The following SCFD2 variants were observed in gnomAD, a reference collection of about 807,000 sequenced individuals.
SCFD2 encodes the protein sec1 family domain containing 2.
Under a neutral mutation model 58.9 loss-of-function variants are expected in SCFD2, and 54 were observed. The ratio of observed to expected loss-of-function variants is 0.92; its 90% CI spans 0.74 to 1.15. The LOEUF is 1.15. SCFD2 is among the 50% of genes most tolerant of loss of function. The probability of loss-of-function intolerance (pLI) is 0.00; values close to 1 mark genes in which losing one functional copy is unlikely to be tolerated. For missense variants in SCFD2, 805 were observed against 836.6 expected, an observed-to-expected ratio of 0.96 and a Z score of 0.47; for synonymous variants, 321 against 335.9, an observed-to-expected ratio of 0.96 and a Z score of 0.49.
chr4:53,318,743 CT>C (rs1237128600), intron 2 of SCFD2, among the ~76,000 whole-genome samples: 36 of 151,256 alleles, frequency 2.4e-4, no homozygotes, highest in Admixed American at 2.0e-3. Flanking sequence ...TTTTTTTCCC[CT>C]GATGGCCAAA....
intron 4 of SCFD2, among the ~76,000 whole-genome samples, chr4:53,237,962 C>T (rs1729713969): frequency 7.8e-6 from 1 of 128,220 alleles, no homozygotes; most frequent in Non-Finnish European, 1.7e-5. Flanking sequence ...GGGCTGACCC[C>T]CCCACCTCCC....
intron 4 of SCFD2, among the ~76,000 whole-genome samples, chr4:53,188,317 C>A (rs1242360188): frequency 6.6e-6 from 1 of 152,046 alleles, no homozygotes; most frequent in African/African-American, 2.4e-5. Context: ...TTTAAAGAAA[C>A]CTTTTGCCTG....
intron 7 of SCFD2, among the ~76,000 whole-genome samples, chr4:52,905,002 T>C (rs1196120120): frequency 6.6e-6 from 1 of 152,180 alleles, no homozygotes; most frequent in Non-Finnish European, 1.5e-5. Context: ...AGGATCAATA[T>C]CAGAATGAAT....
intron 5 of SCFD2, among the ~76,000 whole-genome samples, chr4:53,030,698 AGGTGTGAGCC>A (rs1722595585): frequency 1.3e-5 from 2 of 152,202 alleles, no homozygotes; most frequent in South Asian, 2.1e-4. Context: ...CTGAGATCAC[AGGTGTGAGCC>A]ACCACACCCG....
chr4:52,980,796 A>T (rs1721359589), intron 5 of SCFD2, among the ~76,000 whole-genome samples: 1 of 152,166 alleles, frequency 6.6e-6, no homozygotes. Flanking sequence ...TGGTGACAGA[A>T]GCACTTTGTT....
chr4:53,105,806 G>T (rs1466509864), intron 5 of SCFD2, among the ~76,000 whole-genome samples: 1 of 152,176 alleles, frequency 6.6e-6, no homozygotes, highest in Non-Finnish European at 1.5e-5. Flanking sequence ...GAAGAGAGCA[G>T]CAGAAGTCCT....
chr4:52,948,156 G>A (rs2109525244), intron 5 of SCFD2: 1 of 187,718 alleles, frequency 5.3e-6, no homozygotes, highest in South Asian at 1.1e-4. Flanking sequence ...AGAGTGTAGT[G>A]TTGTAAATAA....
chr4:53,322,065 G>A (rs1053052647), intron 2 of SCFD2, among the ~76,000 whole-genome samples: 6 of 152,150 alleles, frequency 3.9e-5, no homozygotes, highest in Non-Finnish European at 5.9e-5. Flanking sequence ...TGTCAGAGGC[G>A]TTTGAACCAG....
intron 5 of SCFD2, among the ~76,000 whole-genome samples, chr4:53,030,051 T>C (rs759430618): frequency 3.3e-5 from 5 of 152,056 alleles, no homozygotes; most frequent in African/African-American, 4.8e-5. Flanking sequence ...AAAAACACAG[T>C]CTAGGAGAAA....
chr4:52,874,045 G>A lies in SCFD2; in HGVS notation c.1979C>T (p.Thr660Ile). ...KPGTQVIVLS[T>I]RLLKPLNIPE... ...AATGTTAAGTGGCTTCAGGAGTCGT[G>A]TGGACAGCACGATTACCTAACAACA... is the stretch of plus-strand genomic sequence containing the variant. The change falls in exon 9 of 9, where the codon ACA (threonine) becomes ATA (isoleucine). Residue 660 changes from threonine to isoleucine, a missense_variant. Coordinates refer to ENST00000401642, the MANE Select transcript of SCFD2 (RefSeq NM_152540.4). 6.2e-7 allele frequency: 1 copy of A among 1,613,762 alleles called. No individual in the cohort carries two copies. The highest frequency in any genetic ancestry group is 8.5e-7 in the Non-Finnish European group (1 of 1,179,680).
At chr4:53,269,024 G>C (rs1295422492) in intron 4 of SCFD2, among the ~76,000 whole-genome samples, 1 of 152,148 alleles carries the variant, frequency 6.6e-6, no homozygotes, top group African/African-American at 2.4e-5. Context: ...TGTTAGACTA[G>C]AGCTATGATA....
At chr4:52,960,462 G>A (rs567471550) in intron 5 of SCFD2, among the ~76,000 whole-genome samples, 13 of 151,282 alleles carry the variant, frequency 8.6e-5, no homozygotes, top group Non-Finnish European at 1.0e-4. Flanking sequence ...TCCGCCTCCC[G>A]GGTTCAAGTG....
At chr4:53,122,444 C>A (rs1331962691) in intron 5 of SCFD2, among the ~76,000 whole-genome samples, 1 of 151,838 alleles carries the variant, frequency 6.6e-6, no homozygotes, top group East Asian at 1.9e-4. Flanking sequence ...GCTCACTCAA[C>A]ATGAAAGGGA....
intron 5 of SCFD2, among the ~76,000 whole-genome samples, chr4:53,016,966 G>T (rs1722227924): frequency 6.6e-6 from 1 of 152,200 alleles, no homozygotes; most frequent in African/African-American, 2.4e-5. Context: ...AAATTAGCCA[G>T]GCGTGGTGGT....
intron 7 of SCFD2, among the ~76,000 whole-genome samples, chr4:52,902,356 C>T (rs573353403): frequency 1.1e-4 from 16 of 152,368 alleles, no homozygotes; most frequent in African/African-American, 2.4e-4. Context: ...GCCTTATAAA[C>T]ATGGCTTCCC....
At chr4:53,215,980 TCCCAGGGATGAAG>T (rs1259442105) in intron 4 of SCFD2, among the ~76,000 whole-genome samples, 1 of 152,342 alleles carries the variant, frequency 6.6e-6, no homozygotes. Context: ...CAGCCTTGCA[TCCCAGGGATGAAG>T]CCCACTTGAT....
intron 7 of SCFD2, among the ~76,000 whole-genome samples, chr4:52,899,127 T>C (rs1001954966): frequency 6.6e-6 from 1 of 152,272 alleles, no homozygotes; most frequent in Non-Finnish European, 1.5e-5. Context: ...TACCTTTTAA[T>C]TGGAGCATGT....
chr4:53,290,718 G>GA (rs1048382047), intron 3 of SCFD2, among the ~76,000 whole-genome samples: 1 of 150,970 alleles, frequency 6.6e-6, no homozygotes, highest in Admixed American at 6.6e-5. Flanking sequence ...GATTAACTCA[G>GA]AAAAAAAAGA....
At chr4:53,083,385 A>G (rs57480314) in intron 5 of SCFD2, among the ~76,000 whole-genome samples, 6,261 of 152,194 alleles carry the variant, frequency 0.041, 432 homozygotes, top group African/African-American at 0.14. Context: ...AGGAAAACTA[A>G]TACCAGTCCT....
Sources: allele counts gnomAD v4.1 joint callset (sites outside exome capture counted in the v4.1 genomes callset), GRCh38; gene constraint gnomAD v4.1.1; transcripts MANE v1.5; gene names NCBI Gene and HGNC (gene_info 2026-07-23, HGNC 2026-07-21).